Variants in DYNC2I1 observed in about 807,000 individuals in gnomAD.
DYNC2I1 encodes the protein dynein 2 intermediate chain 1, also known as cytoplasmic dynein 2 intermediate chain 1.
Under a neutral mutation model 133.4 loss-of-function variants are expected in DYNC2I1, and 89 were observed. The ratio of observed to expected loss-of-function variants is 0.67; its 90% confidence interval spans 0.56 to 0.80. The LOEUF is 0.80. Ranked by LOEUF, DYNC2I1 falls within the 30% of genes least tolerant of loss-of-function variation. The pLI is 0.00. For synonymous variants in DYNC2I1, 504 were observed against 484.3 expected, an observed-to-expected ratio of 1.04 and a Z score of -0.54; for missense variants, 1,291 against 1,314.5, an observed-to-expected ratio of 0.98 and a Z score of 0.28.
At chr7:158,934,281 C>G in intron 22 of DYNC2I1, 53 bp downstream of exon 22, 2 of 1,557,634 alleles carry the variant, frequency 1.3e-6, no homozygotes, top group South Asian at 1.2e-5. Flanking sequence ...GTTTTCCTGA[C>G]TTACCTGATA....
At chr7:158,927,108 A>G in intron 20 of DYNC2I1, 65 bp downstream of exon 20, 1 of 1,232,366 alleles carries the variant, frequency 8.1e-7, no homozygotes, top group South Asian at 1.4e-5. Flanking sequence ...AAAAGTACTG[A>G]TAACTGCGGT....
chr7:158,859,072 T>C (rs973873181), intron 1 of DYNC2I1, among the ~76,000 whole-genome samples: 6 of 141,672 alleles, frequency 4.2e-5, no homozygotes, highest in African/African-American at 1.3e-4. Flanking sequence ...CACAGCTCAC[T>C]GCAGCCTAAA....
At chr7:158,879,134 T>TG (rs1177682301) in intron 4 of DYNC2I1, among the ~76,000 whole-genome samples, 3 of 152,052 alleles carry the variant, frequency 2.0e-5, no homozygotes, top group African/African-American at 7.2e-5. Flanking sequence ...TGTGTGGCGT[T>TG]GGGGTGACAG....
At chr7:158,858,391 C>T (rs1445041961) in intron 1 of DYNC2I1, among the ~76,000 whole-genome samples, 1 of 152,182 alleles carries the variant, frequency 6.6e-6, no homozygotes, top group Non-Finnish European at 1.5e-5. Context: ...GCTCACTCTA[C>T]TCAGGGAACA....
intron 9 of DYNC2I1, among the ~76,000 whole-genome samples, 178 bp from the exon 10 acceptor site, chr7:158,902,195 TAGC>T (rs1393286237): frequency 8.5e-5 from 13 of 152,218 alleles, no homozygotes; most frequent in Non-Finnish European, 1.9e-4. Context: ...GAAATAAAGG[TAGC>T]AGTTTATATA....
chr7:158,853,143 CA>C (rs1289946532), upstream of DYNC2I1, among the ~76,000 whole-genome samples: 1 of 152,176 alleles, frequency 6.6e-6, no homozygotes, highest in Non-Finnish European at 1.5e-5. Flanking sequence ...TGCTATGGAA[CA>C]AAACAAAAGC....
intron 1 of DYNC2I1, among the ~76,000 whole-genome samples, chr7:158,858,820 T>C (rs1841569018): frequency 1.4e-5 from 1 of 71,500 alleles, no homozygotes; most frequent in African/African-American, 5.8e-5. Context: ...CCCACTTTCC[T>C]CTCCCCTCCC....
At chr7:158,946,316 A>G (rs1851869330), downstream of DYNC2I1, 1 of 152,264 alleles carries the variant, frequency 6.6e-6, no homozygotes, top group African/African-American at 2.4e-5. Flanking sequence ...TTGTGTAGAA[A>G]TCATACAAGT....
the DYNC2I1 span, among the ~76,000 whole-genome samples, chr7:158,847,864 G>A: frequency 6.6e-6 from 1 of 152,104 alleles, no homozygotes; most frequent in Non-Finnish European, 1.5e-5. Context: ...CAAAAATCAA[G>A]TAACTATTAA....
intron 8 of DYNC2I1, among the ~76,000 whole-genome samples, chr7:158,898,909 T>C (rs1467733228): frequency 6.6e-6 from 1 of 152,140 alleles, no homozygotes; most frequent in Non-Finnish European, 1.5e-5. Context: ...TTAAATACAT[T>C]TACAACCAAT....
Position 158,909,030 on chromosome 7 carries a change from T to G in DYNC2I1, c.1461-2520T>G, listed in dbSNP as rs529094940. Among the ~76,000 whole-genome samples, 17 of 152,098 alleles carry G rather than the reference T, an allele frequency of 1.1e-4. No homozygotes were observed. In the East Asian group the frequency reaches 3.1e-3, roughly 28 times the overall value. On this transcript the variant is annotated intron_variant, in intron 11 of 24. Coordinates refer to ENST00000407559, the MANE Select transcript of DYNC2I1 (RefSeq NM_018051.5). ...TTCTTTTATGGAATAGGCAAGGTAT[T>G]AAAAAATGATAATACTTAGGCCAGG...
In DYNC2I1 at chr7:158,934,515, T is replaced by C; in HGVS notation, c.2744T>C (p.Ile915Thr). 6.4e-7 allele frequency: 1 copy of C among 1,559,990 alleles called. No homozygotes were observed. The highest frequency in any genetic ancestry group is 8.7e-7 in the Non-Finnish European group (1 of 1,151,182). ...ATAAGACCAGTGAAAGTTAATGTCA[T>C]TGATTTTTCACCATTTGGAGAACCA... ...HGIRPVKVNVIDFSPFGEPIF... is the reference protein window; with the variant it reads ...HGIRPVKVNVTDFSPFGEPIF... Residue 915 changes from isoleucine to threonine, a missense_variant, in exon 23 of 25, where the codon ATT (isoleucine) becomes ACT (threonine). By Grantham distance (89) the Ile-to-Thr change is moderately conservative. Coordinates refer to ENST00000407559, the MANE Select transcript of DYNC2I1 (RefSeq NM_018051.5).
At chr7:158,951,759 C>T (rs2129490332) in intron 4 of DYNC2I1, among the ~76,000 whole-genome samples, 1 of 152,306 alleles carries the variant, frequency 6.6e-6, no homozygotes, top group African/African-American at 2.4e-5. Flanking sequence ...TGAGCTGGCA[C>T]CGGTTCTGAG....
At chr7:158,927,959 A>G (rs1371288732) in intron 20 of DYNC2I1, among the ~76,000 whole-genome samples, 1 of 152,136 alleles carries the variant, frequency 6.6e-6, no homozygotes. Context: ...GCTGTTCCCT[A>G]TGTATTTCAG....
intron 1 of DYNC2I1, among the ~76,000 whole-genome samples, chr7:158,862,833 C>T (rs1413953758): frequency 6.6e-6 from 1 of 151,982 alleles, no homozygotes; most frequent in African/African-American, 2.4e-5. Context: ...TTTCTTCCTT[C>T]TGGTGGGTTT....
intron 11 of DYNC2I1, 48 bp from the exon 12 acceptor site, chr7:158,911,502 G>A (rs751921094): frequency 3.1e-6 from 5 of 1,593,848 alleles, no homozygotes; most frequent in Admixed American, 1.7e-5. Flanking sequence ...ACTTCCCCAC[G>A]TATATTATTC....
chr7:158,879,624 G>C (rs1258708559), intron 4 of DYNC2I1, 60 bp from the exon 5 acceptor site: 1 of 1,496,012 alleles, frequency 6.7e-7, no homozygotes, highest in East Asian at 2.3e-5. Context: ...CAGAGAGGGA[G>C]GGCTGGCTGC....
At chr7:158,958,428 G>A (rs1852255412), downstream of DYNC2I1, among the ~76,000 whole-genome samples, 1 of 152,238 alleles carries the variant, frequency 6.6e-6, no homozygotes, top group Admixed American at 6.5e-5. Context: ...AGCTGCTGGT[G>A]TCTGCGGGAA....
chr7:158,921,471 G>A (rs1417138016), intron 15 of DYNC2I1, among the ~76,000 whole-genome samples: 2 of 152,118 alleles, frequency 1.3e-5, no homozygotes, highest in Non-Finnish European at 2.9e-5. Flanking sequence ...GGAGAAAACG[G>A]GGTCAGGTCA....
Sources: gnomAD v4.1 joint callset for allele counts (sites outside exome capture counted in the v4.1 genomes callset) on GRCh38, gnomAD v4.1.1 for gene constraint, MANE v1.5 for transcripts, NCBI Gene and HGNC (gene_info 2026-07-23, HGNC 2026-07-21) for gene names.